The following DCDC2 variants were observed in gnomAD, a reference collection of about 807,000 sequenced individuals.
DCDC2 encodes doublecortin domain containing 2.
In DCDC2, 40 loss-of-function variants were observed where a neutral mutation model predicts 50.2. The observed-to-expected ratio is 0.80, with a 90% CI of 0.62 to 1.04. The LOEUF (loss-of-function observed/expected upper bound fraction) is 1.04, where lower values mean the gene tolerates loss of function less well. Among genes scored for constraint, DCDC2 ranks in the 50% least tolerant of loss-of-function variants. The pLI is 0.00. For missense variants in DCDC2, 570 were observed against 581.9 expected, an observed-to-expected ratio of 0.98 and a Z score of 0.21; for synonymous variants, 234 against 210.6, an observed-to-expected ratio of 1.11 and a Z score of -0.96.
At chr6:24,277,620 T>C (rs541052583) in intron 7 of DCDC2, among the ~76,000 whole-genome samples, 1 of 152,336 alleles carries the variant, frequency 6.6e-6, no homozygotes, top group South Asian at 2.1e-4. Flanking sequence ...GTCTATTTAG[T>C]GTTCTCTTGG....
At chr6:24,235,778 T>C (rs1762430240) in intron 7 of DCDC2, among the ~76,000 whole-genome samples, 1 of 152,124 alleles carries the variant, frequency 6.6e-6, no homozygotes. Context: ...ACAAAAGCAC[T>C]GTACAAAAAT....
At chr6:24,355,937 T>A (rs1417838703) in intron 1 of DCDC2, among the ~76,000 whole-genome samples, 2 of 152,236 alleles carry the variant, frequency 1.3e-5, no homozygotes, top group Non-Finnish European at 2.9e-5. Context: ...ATAATGCTTA[T>A]GAATTCATAA....
At chr6:24,280,647 C>T (rs1175257058) in intron 6 of DCDC2, among the ~76,000 whole-genome samples, 1 of 152,038 alleles carries the variant, frequency 6.6e-6, no homozygotes, top group East Asian at 1.9e-4. Flanking sequence ...AGAGATTCTC[C>T]TACCTCAGCC....
intron 2 of DCDC2, among the ~76,000 whole-genome samples, chr6:24,306,971 G>A (rs1260212162): frequency 1.3e-5 from 2 of 152,168 alleles, no homozygotes; most frequent in Admixed American, 1.3e-4. Context: ...GATCAAGGTT[G>A]ATAAACTGAG....
intron 2 of DCDC2, among the ~76,000 whole-genome samples, chr6:24,315,099 T>A (rs1388047735): frequency 6.6e-6 from 1 of 152,036 alleles, no homozygotes; most frequent in Non-Finnish European, 1.5e-5. Context: ...GATATACTAG[T>A]GGAATACACT....
chr6:24,300,717 G>C (rs892904219), intron 4 of DCDC2, among the ~76,000 whole-genome samples: 2 of 152,112 alleles, frequency 1.3e-5, no homozygotes, highest in Admixed American at 6.5e-5. Context: ...ACAAACACTT[G>C]AAACAGTGTA....
chr6:24,249,958 G>T (rs536450431), intron 7 of DCDC2, among the ~76,000 whole-genome samples: 7 of 152,210 alleles, frequency 4.6e-5, no homozygotes, highest in Non-Finnish European at 8.8e-5. Context: ...AAGAATGGCT[G>T]CCAGGTAGCA....
At chr6:24,300,160 C>T (rs1038674740) in intron 4 of DCDC2, among the ~76,000 whole-genome samples, 1 of 151,654 alleles carries the variant, frequency 6.6e-6, no homozygotes, top group Non-Finnish European at 1.5e-5. Flanking sequence ...GAGGCCAAGG[C>T]GGGCGGATTG....
chr6:24,208,591 G>A (rs780275452), intron 7 of DCDC2, among the ~76,000 whole-genome samples: 10 of 151,876 alleles, frequency 6.6e-5, no homozygotes, highest in African/African-American at 1.2e-4. Flanking sequence ...GGCTGGTCTC[G>A]AACTCCAACC....
chr6:24,284,195 C>G (rs776209644), intron 6 of DCDC2, among the ~76,000 whole-genome samples: 2 of 152,234 alleles, frequency 1.3e-5, no homozygotes, highest in Non-Finnish European at 2.9e-5. Context: ...TCCGCCCCCA[C>G]TGCGGCCACC....
intron 2 of DCDC2, among the ~76,000 whole-genome samples, chr6:24,342,281 C>T (rs1413457877): frequency 6.6e-6 from 1 of 152,236 alleles, no homozygotes; most frequent in Non-Finnish European, 1.5e-5. Context: ...CCTTTACTTT[C>T]ACAGTGTTGC....
chr6:24,275,866 A>ATTTTTTT lies in DCDC2; in HGVS notation c.922+2176_922+2182dup, dbSNP rs10685261. ...CAAAAGCAAAAATGCCAATAATTCA[A>ATTTTTTT]TTTTTTTTTTTTTTTTTTTTTTAGG... is the stretch of plus-strand genomic sequence containing the variant. On this transcript the variant is annotated intron_variant, in intron 7 of 9. Transcript: ENST00000378454. Among the ~76,000 whole-genome samples, 53 of 108,104 alleles carry ATTTTTTT rather than the reference A, an allele frequency of 4.9e-4. 3 individuals are homozygous for ATTTTTTT. Among genetic ancestry groups the ATTTTTTT allele is most frequent in the African/African-American group, 1.3e-3 (37 of 29,428 alleles). 70.9% of individuals were successfully genotyped at this position (108,104 alleles called of 152,430 possible).
chr6:24,276,163 C>T (rs935151152), intron 7 of DCDC2, among the ~76,000 whole-genome samples: 1 of 152,018 alleles, frequency 6.6e-6, no homozygotes, highest in African/African-American at 2.4e-5. Flanking sequence ...GCCACTGTAC[C>T]AGCCAATAAT....
upstream of DCDC2, among the ~76,000 whole-genome samples, chr6:24,362,792 A>C (rs192539562): frequency 7.6e-4 from 115 of 152,270 alleles, no homozygotes; most frequent in Middle Eastern, 3.4e-3. Flanking sequence ...CATTTGCTCA[A>C]AGCTAGAACA....
chr6:24,334,141 A>G (rs1470987985), intron 2 of DCDC2, among the ~76,000 whole-genome samples: 1 of 152,252 alleles, frequency 6.6e-6, no homozygotes, highest in Non-Finnish European at 1.5e-5. Flanking sequence ...AGTCCCTGAT[A>G]ATGTCTTCAC....
At chr6:24,357,363 ACT>A (rs1760490580) in intron 1 of DCDC2, 93 bp downstream of exon 1, 2 of 1,395,530 alleles carry the variant, frequency 1.4e-6, no homozygotes, top group Admixed American at 4.7e-5. Context: ...CCCCTCAACC[ACT>A]GAGGTGTGGG....
intron 7 of DCDC2, among the ~76,000 whole-genome samples, chr6:24,239,559 C>T (rs1762524350): frequency 6.6e-6 from 1 of 152,162 alleles, no homozygotes. Context: ...TTCCCTGCCA[C>T]ATTAGGTCCA....
At chr6:24,312,067 T>TAA (rs1759580543) in intron 2 of DCDC2, among the ~76,000 whole-genome samples, 1 of 152,134 alleles carries the variant, frequency 6.6e-6, no homozygotes, top group Non-Finnish European at 1.5e-5. Flanking sequence ...ATTGACCTTG[T>TAA]GACATTCCTT....
intron 7 of DCDC2, among the ~76,000 whole-genome samples, chr6:24,250,090 G>A (rs1433501809): frequency 2.0e-5 from 3 of 152,148 alleles, no homozygotes; most frequent in Admixed American, 6.5e-5. Context: ...TTTTTTACCC[G>A]GGTCCCGGCA....
Sources: allele counts gnomAD v4.1 joint callset (sites outside exome capture counted in the v4.1 genomes callset), GRCh38; gene constraint gnomAD v4.1.1; transcripts MANE v1.5; gene names NCBI Gene and HGNC (gene_info 2026-07-23, HGNC 2026-07-21).